Variants in PCDHGA1 observed in about 807,000 individuals in gnomAD.
The protein encoded by PCDHGA1 is protocadherin gamma subfamily A, 1.
Under a neutral mutation model 58.0 loss-of-function variants are expected in PCDHGA1, and 32 were observed. The observed-to-expected ratio is 0.55, with a 90% CI of 0.42 to 0.74. The LOEUF (loss-of-function observed/expected upper bound fraction) is 0.74. Ranked by LOEUF, PCDHGA1 falls within the 30% of genes least tolerant of loss-of-function variation. PCDHGA1 has a pLI of 0.00. For missense variants in PCDHGA1, 1,205 were observed against 1,182.3 expected (o/e 1.02, Z -0.28); for synonymous variants, 498 against 501.1 (o/e 0.99, Z 0.08).
In PCDHGA1 at chr5:141,350,451, T is replaced by C. The variant is rs1238028733; in HGVS notation, c.2421+17346T>C. The C allele has an allele frequency of 2.7e-5, 43 of 1,611,790 alleles. No homozygotes were observed. The highest frequency in any genetic ancestry group is 3.6e-5 in the Non-Finnish European group (42 of 1,178,086). On this transcript the variant is annotated intron_variant, in intron 1 of 3. Transcript: ENST00000517417. Reference sequence around the variant, plus strand: ...GTCCGGGAGTTGCCAACTCGAAAACTGCGGGTTAGTGCAGAGGATTATTTC... The same window carrying C: ...GTCCGGGAGTTGCCAACTCGAAAACCGCGGGTTAGTGCAGAGGATTATTTC...
In PCDHGA1 at chr5:141,477,176, G is replaced by C. The variant is rs766547728; in HGVS notation, c.2422-17631G>C. On this transcript the variant is annotated intron_variant, in intron 1 of 3. Coordinates refer to ENST00000517417, the MANE Select transcript of PCDHGA1 (RefSeq NM_018912.3). This position sits in a 1 kb window ranked among gnomAD's most constrained non-coding sequence, Gnocchi z 4.9. ...GAATGACAACGCCCCGGAGATCACAGTCACCTCCGTGTACAGCCCAGTACC... is the reference window on the plus strand; with the variant it reads ...GAATGACAACGCCCCGGAGATCACACTCACCTCCGTGTACAGCCCAGTACC... The C allele has an allele frequency of 1.2e-6, 2 of 1,614,206 alleles. No individual in the cohort carries two copies. The highest frequency in any genetic ancestry group is 3.3e-5 in the Admixed American group (2 of 60,024).
rs373048330 is a variant in PCDHGA1 at position 141,384,937 on chromosome 5, C to A, written c.2421+51832C>A. On this transcript the variant is annotated intron_variant, in intron 1 of 3. Coordinates refer to ENST00000517417, the MANE Select transcript of PCDHGA1 (RefSeq NM_018912.3). Reference sequence around the variant, plus strand: ...CTTGGCCGACCTGGGCAGCCTTGAGCCCTCCGACGGTCCTTACAACTATGA... The same window carrying A: ...CTTGGCCGACCTGGGCAGCCTTGAGACCTCCGACGGTCCTTACAACTATGA... The A allele has an allele frequency of 1.6e-4, 255 of 1,614,068 alleles. 1 individual carries two copies. The South Asian group carries it at 2.7e-3, about 17-fold the overall frequency.
chr5:141,487,485 G>A lies in PCDHGA1; in HGVS notation c.2422-7322G>A. On this transcript the variant is annotated intron_variant, in intron 1 of 3. Transcript: ENST00000517417. The surrounding 1 kb of genome is among the most constrained non-coding windows in gnomAD (Gnocchi z 5.0). ...GTTGATGTGGGAGGCCACTCTCATG[G>A]CTGTACACCCTTGGCTTCTGCACCC... The A allele has an allele frequency of 6.2e-7, 1 of 1,614,164 alleles. No homozygotes were observed. Among genetic ancestry groups the A allele is most frequent in the Non-Finnish European group, 8.5e-7 (1 of 1,180,030 alleles).
intron 1 of PCDHGA1, chr5:141,352,671 T>C: frequency 6.3e-7 from 1 of 1,579,386 alleles, no homozygotes; most frequent in Non-Finnish European, 8.6e-7. Context: ...TCTTCGCACG[T>C]GAGTTTCTGC....
At chr5:141,399,762 C>T (rs1415096807) in intron 1 of PCDHGA1, 4 of 1,613,352 alleles carry the variant, frequency 2.5e-6, no homozygotes, top group Non-Finnish European at 2.5e-6. Flanking sequence ...TGAGCCTGCG[C>T]GTGTTGGTGG....
At chr5:141,370,854 C>T in intron 1 of PCDHGA1, 1 of 1,614,054 alleles carries the variant, frequency 6.2e-7, no homozygotes. Flanking sequence ...CACATTTGCC[C>T]TGGAATCTGC....
intron 1 of PCDHGA1, chr5:141,366,661 C>A (rs976652914): frequency 1.2e-6 from 2 of 1,614,268 alleles, no homozygotes; most frequent in Admixed American, 3.3e-5. Flanking sequence ...ACTACGCAGA[C>A]ACGCTCCTTA....
intron 1 of PCDHGA1, among the ~76,000 whole-genome samples, chr5:141,492,882 C>G (rs2099744816): frequency 6.6e-6 from 1 of 152,218 alleles, no homozygotes; most frequent in Admixed American, 6.5e-5. Context: ...CCCAGAGATA[C>G]AGGCTTTTGG....
intron 1 of PCDHGA1, among the ~76,000 whole-genome samples, chr5:141,480,949 G>A (rs949853273): frequency 2.0e-4 from 30 of 152,136 alleles, no homozygotes; most frequent in African/African-American, 4.6e-4. Flanking sequence ...AGAGGCTGAG[G>A]CGGAAGCATC....
intron 2 of PCDHGA1, among the ~76,000 whole-genome samples, chr5:141,496,279 G>C (rs902362885): frequency 1.3e-5 from 2 of 152,198 alleles, no homozygotes; most frequent in Non-Finnish European, 2.9e-5. Context: ...ACCTTCAGTT[G>C]GTCTGAGCAG....
intron 1 of PCDHGA1, among the ~76,000 whole-genome samples, chr5:141,472,266 G>A (rs931951683): frequency 2.0e-5 from 3 of 152,198 alleles, no homozygotes. Flanking sequence ...TTATAGCCGG[G>A]CACAGTGGCT....
intron 1 of PCDHGA1, among the ~76,000 whole-genome samples, chr5:141,439,532 C>T (rs1030997598): frequency 6.6e-6 from 1 of 152,202 alleles, no homozygotes; most frequent in Admixed American, 6.5e-5. Context: ...CTACAGAACG[C>T]TGTCCTCTCA....
chr5:141,364,720 CCCG>C, intron 1 of PCDHGA1: 3 of 1,613,946 alleles, frequency 1.9e-6, no homozygotes, highest in Non-Finnish European at 2.5e-6. Context: ...ATGATAACTT[CCCG>C]CGTTTCCGGG....
At position 141,352,389 on chromosome 5, in the gene PCDHGA1, G is replaced by C. The variant is rs768350578; in HGVS notation, c.2421+19284G>C. On this transcript the variant is annotated intron_variant, in intron 1 of 3. Transcript: ENST00000517417. ...GCGGTGATTCTAGCGATCGCCCTGC[G>C]CCTGCGACGTTCCTCCAGCCTCGAC... The C allele has an allele frequency of 6.2e-6, 10 of 1,613,888 alleles. No homozygotes were observed. The Admixed American group carries it at 1.0e-4, about 16-fold the overall frequency.
intron 1 of PCDHGA1, chr5:141,341,292 A>C (rs761177861): frequency 6.2e-7 from 1 of 1,614,218 alleles, no homozygotes. Context: ...CCCCAGCCCA[A>C]CTATGCGGAC....
At chr5:141,453,014 G>A (rs2098753820) in intron 1 of PCDHGA1, among the ~76,000 whole-genome samples, 1 of 152,206 alleles carries the variant, frequency 6.6e-6, no homozygotes, top group Non-Finnish European at 1.5e-5. Flanking sequence ...GTATAGTTAT[G>A]TGATTCATTA....
Position 141,476,676 on chromosome 5 carries a change from G to T in PCDHGA1, c.2422-18131G>T. 1.2e-6 allele frequency: 2 copies of T among 1,614,222 alleles called. No individual in the cohort carries two copies. The highest frequency in any genetic ancestry group is 1.7e-6 in the Non-Finnish European group (2 of 1,180,054). ...TACTTTGCGCTTCGCGTGCAGACGC[G>T]GGAGGACAGCACCAAGTACGCGGAG... On this transcript the variant is annotated intron_variant, in intron 1 of 3. Transcript: ENST00000517417. The surrounding 1 kb of genome is among the most constrained non-coding windows in gnomAD (Gnocchi z 7.6).
intron 1 of PCDHGA1, chr5:141,410,366 G>T: frequency 6.2e-7 from 1 of 1,613,774 alleles, no homozygotes; most frequent in Non-Finnish European, 8.5e-7. Flanking sequence ...TCTCAGCCCT[G>T]CTACTTGGGA....
intron 1 of PCDHGA1, chr5:141,393,813 C>G (rs376904307): frequency 1.2e-6 from 2 of 1,613,814 alleles, no homozygotes; most frequent in Non-Finnish European, 8.5e-7. Flanking sequence ...GACCAAATTG[C>G]TCATTTCGGT....
Sources: gnomAD v4.1 joint callset for allele counts (sites outside exome capture counted in the v4.1 genomes callset) on GRCh38, gnomAD v4.1.1 for gene constraint, Gnocchi (gnomAD v3.1) non-coding constraint, MANE v1.5 for transcripts, NCBI Gene and HGNC (gene_info 2026-07-23, HGNC 2026-07-21) for gene names.